Variants in CAMSAP2 observed in about 807,000 individuals in gnomAD.
CAMSAP2 encodes calmodulin-regulated spectrin-associated protein 2.
Under a neutral mutation model 146.1 loss-of-function variants are expected in CAMSAP2, and 26 were observed. The observed-to-expected ratio is 0.18, with a 90% CI of 0.13 to 0.25. The LOEUF (loss-of-function observed/expected upper bound fraction) is 0.25. CAMSAP2 is among the 10% of genes least tolerant of loss of function. The pLI, the probability that CAMSAP2 is intolerant of heterozygous loss-of-function variation, is 1.00. For missense variants in CAMSAP2, 1,381 were observed against 1,759.3 expected, an observed-to-expected ratio of 0.78 and a Z score of 3.85; for synonymous variants, 499 against 596.6, an observed-to-expected ratio of 0.84 and a Z score of 2.38.
chr1:200,816,810 A>G lies in CAMSAP2; in HGVS notation c.645+1166A>G, dbSNP rs868339539. ...TGTGTGTACACACACACGCGTGTAT[A>G]TATGTGTGTACACACACACGCGTGT... On this transcript the variant is annotated intron_variant, in intron 4 of 16. Coordinates refer to ENST00000358823, the MANE Select transcript of CAMSAP2 (RefSeq NM_203459.4). Among the ~76,000 whole-genome samples the G allele has an allele frequency of 1.8e-3, 82 of 45,232 alleles. 14 individuals carry two copies. The highest frequency in any genetic ancestry group is 3.7e-3 in the East Asian group (4 of 1,072). 29.7% of individuals were successfully genotyped at this position (45,232 alleles called of 152,430 possible).
chr1:200,817,182 A>C (rs1164227160), intron 4 of CAMSAP2, among the ~76,000 whole-genome samples: 1 of 56,604 alleles, frequency 1.8e-5, no homozygotes, highest in Non-Finnish European at 3.2e-5. Context: ...GTATATACAC[A>C]CACACACATG....
rs773438920 is a variant in CAMSAP2, at chr1:200,739,820, G to C, written c.-8G>C. On this transcript the variant is annotated 5_prime_UTR_variant, in exon 1 of 17. Transcript: ENST00000358823. The surrounding 1 kb of genome is among the most constrained non-coding windows in gnomAD (Gnocchi z 4.8). ...GGGCCGGGACATCCCGAGGAGCCGC[G>C]GTGAAAGATGGGGGATGCTGCAGAC... The C allele has an allele frequency of 3.1e-6, 5 of 1,612,286 alleles. No homozygotes were observed. The highest frequency in any genetic ancestry group is 4.2e-6 in the Non-Finnish European group (5 of 1,178,924).
chr1:200,792,496 T>A (rs1042986577), intron 2 of CAMSAP2, among the ~76,000 whole-genome samples: 1 of 151,956 alleles, frequency 6.6e-6, no homozygotes, highest in Non-Finnish European at 1.5e-5. Context: ...AATATAAAAA[T>A]TAGCTGGTTG....
chr1:200,835,590 G>A lies in CAMSAP2; in HGVS notation c.927+2745G>A, dbSNP rs1667165873. ...AAGCCACTGCTCCTGCTGACCCAAAGTTGTACCCAGTCTCTTGTGTCTGAC... is the reference window on the plus strand; with the variant it reads ...AAGCCACTGCTCCTGCTGACCCAAAATTGTACCCAGTCTCTTGTGTCTGAC... On this transcript the variant is annotated intron_variant, in intron 6 of 16. Transcript: ENST00000358823. Among the ~76,000 whole-genome samples the A allele has an allele frequency of 2.0e-5, 3 of 152,132 alleles. No homozygotes were observed. The South Asian group carries it at 6.2e-4, about 32-fold the overall frequency.
rs768972213 is a variant in CAMSAP2, at chr1:200,793,092, G to C, written c.400-14284G>C. 2.6e-5 allele frequency among the ~76,000 whole-genome samples: 4 copies of C among 152,332 alleles called. No individual in the cohort carries two copies. The South Asian group carries it at 8.3e-4, about 32-fold the overall frequency. On this transcript the variant is annotated intron_variant, in intron 2 of 16. Transcript: ENST00000358823. The stretch of plus-strand genomic sequence containing the variant: ...CAGTGTCATTTCTCACTGGTAGTGA[G>C]AAAGTATGGAGTGATCGAGTACATT...
intron 2 of CAMSAP2, among the ~76,000 whole-genome samples, chr1:200,780,984 A>T (rs576298821): frequency 6.6e-6 from 1 of 152,334 alleles, no homozygotes; most frequent in South Asian, 2.1e-4. Flanking sequence ...TTCTTCTAAT[A>T]AAACTAGCGC....
chr1:200,765,836 T>G (rs937137186), intron 2 of CAMSAP2, among the ~76,000 whole-genome samples: 3 of 152,146 alleles, frequency 2.0e-5, no homozygotes, highest in Non-Finnish European at 4.4e-5. Flanking sequence ...GAAGGTATGT[T>G]AAGTATTATA....
chr1:200,815,844 A>C (rs1666468074), intron 4 of CAMSAP2, among the ~76,000 whole-genome samples, 200 bp downstream of exon 4: 1 of 152,242 alleles, frequency 6.6e-6, no homozygotes, highest in Admixed American at 6.5e-5. Context: ...TTTGTAAAAA[A>C]ATATATTAAT....
At chr1:200,816,123 ATCTC>A (rs1666476081) in intron 4 of CAMSAP2, among the ~76,000 whole-genome samples, 1 of 151,916 alleles carries the variant, frequency 6.6e-6, no homozygotes, top group Middle Eastern at 3.2e-3. Context: ...ATGAAGCCCC[ATCTC>A]TGCTAAAAAT....
At chr1:200,811,749 ACT>A (rs1366677075) in intron 3 of CAMSAP2, among the ~76,000 whole-genome samples, 8 of 151,692 alleles carry the variant, frequency 5.3e-5, no homozygotes, top group Non-Finnish European at 1.2e-4. Context: ...TTTGCTCAAA[ACT>A]CTTCAGTGAC....
intron 6 of CAMSAP2, among the ~76,000 whole-genome samples, chr1:200,836,115 T>C (rs1182335968): frequency 2.6e-5 from 4 of 152,210 alleles, no homozygotes; most frequent in Non-Finnish European, 5.9e-5. Context: ...TTTTAAACTT[T>C]TAGCTTAAGC....
At chr1:200,817,466 C>T (rs989809726) in intron 4 of CAMSAP2, among the ~76,000 whole-genome samples, 2 of 152,018 alleles carry the variant, frequency 1.3e-5, no homozygotes, top group Non-Finnish European at 2.9e-5. Flanking sequence ...TATCTTACGT[C>T]TTTTAAAATG....
rs554991183 is a variant in CAMSAP2 at position 200,811,054 on chromosome 1, C to G, written c.561+3517C>G. On this transcript the variant is annotated intron_variant, in intron 3 of 16. Transcript: ENST00000358823. Reference sequence around the variant, plus strand: ...CTCTCTCCCATACCCATTCCTAACCCGAAATTGTTCCTGAGTTGGTCAAAA... The same window carrying G: ...CTCTCTCCCATACCCATTCCTAACCGGAAATTGTTCCTGAGTTGGTCAAAA... Among the ~76,000 whole-genome samples, 9 of 152,258 alleles carry G rather than the reference C, an allele frequency of 5.9e-5. No individual in the cohort carries two copies. The South Asian group carries it at 1.9e-3, about 32-fold the overall frequency.
intron 2 of CAMSAP2, among the ~76,000 whole-genome samples, chr1:200,770,005 T>C (rs1185968820): frequency 6.6e-6 from 1 of 152,180 alleles, no homozygotes; most frequent in Non-Finnish European, 1.5e-5. Flanking sequence ...TTAGAAGTTA[T>C]GAACCAGGAA....
At chr1:200,805,759 A>G (rs769616142) in intron 2 of CAMSAP2, among the ~76,000 whole-genome samples, 6 of 152,228 alleles carry the variant, frequency 3.9e-5, no homozygotes, top group Non-Finnish European at 7.3e-5. Flanking sequence ...AGGGCACAAA[A>G]GCTTGAAAAC....
At chr1:200,820,149 C>T (rs1284320673) in intron 4 of CAMSAP2, among the ~76,000 whole-genome samples, 2 of 151,822 alleles carry the variant, frequency 1.3e-5, no homozygotes, top group African/African-American at 4.8e-5. Context: ...CAACTTTGGC[C>T]TCCTGGGTTC....
intron 4 of CAMSAP2, among the ~76,000 whole-genome samples, chr1:200,825,452 T>C (rs1436162620): frequency 6.6e-6 from 1 of 152,136 alleles, no homozygotes; most frequent in East Asian, 1.9e-4. Context: ...TAACTGTATA[T>C]CCTGGAAATT....
intron 1 of CAMSAP2, among the ~76,000 whole-genome samples, chr1:200,753,841 C>T (rs183387065): frequency 1.3e-5 from 2 of 152,322 alleles, no homozygotes; most frequent in East Asian, 3.9e-4. Context: ...GTCTCTCTGT[C>T]AGCAGATGTG....
chr1:200,809,480 G>A (rs1666268706), intron 3 of CAMSAP2, among the ~76,000 whole-genome samples: 2 of 152,340 alleles, frequency 1.3e-5, no homozygotes, highest in African/African-American at 4.8e-5. Context: ...GCTCACGCCT[G>A]TAATCCCAGC....
Sources: allele counts gnomAD v4.1 joint callset (sites outside exome capture counted in the v4.1 genomes callset), GRCh38; gene constraint gnomAD v4.1.1; non-coding constraint Gnocchi (gnomAD v3.1); transcripts MANE v1.5; gene names NCBI Gene and HGNC (gene_info 2026-07-23, HGNC 2026-07-21).